Variants in ADGRL3 observed in about 807,000 individuals in gnomAD.
ADGRL3 encodes adhesion G protein-coupled receptor L3.
A neutral mutation model predicts 153.5 loss-of-function variants in ADGRL3; 62 were observed. The ratio of observed to expected loss-of-function variants is 0.40; its 90% CI spans 0.33 to 0.50. The LOEUF is 0.50. Among genes scored for constraint, ADGRL3 ranks in the 20% least tolerant of loss-of-function variants. The pLI is 0.47. For synonymous variants in ADGRL3, 710 were observed against 672.5 expected, an observed-to-expected ratio of 1.06 and a Z score of -0.86; for missense variants, 1,641 against 1,859.4, an observed-to-expected ratio of 0.88 and a Z score of 2.16.
chr4:62,033,483 A>C (rs1723304334), intron 23 of ADGRL3, among the ~76,000 whole-genome samples: 2 of 151,712 alleles, frequency 1.3e-5, no homozygotes, highest in African/African-American at 2.4e-5. Context: ...CACTGAATTA[A>C]AGATAGGAGA....
intron 2 of ADGRL3, among the ~76,000 whole-genome samples, chr4:61,448,812 G>A (rs71609702): frequency 0.62 from 59,897 of 96,066 alleles, 20,251 homozygotes; most frequent in East Asian, 0.9. Context: ...GGAAGGGAGG[G>A]AAGGAAGGAA....
chr4:61,273,755 G>C (rs1416414560), intron 1 of ADGRL3, among the ~76,000 whole-genome samples: 1 of 152,044 alleles, frequency 6.6e-6, no homozygotes, highest in Admixed American at 6.6e-5. Flanking sequence ...TGCTTTCACT[G>C]TTAACTACTA....
intron 1 of ADGRL3, among the ~76,000 whole-genome samples, chr4:61,319,662 A>G (rs2095313032): frequency 6.6e-6 from 1 of 152,192 alleles, no homozygotes; most frequent in African/African-American, 2.4e-5. Flanking sequence ...ATTTGATTGT[A>G]CGTCAAATGA....
rs754647410 is a variant in ADGRL3 at position 61,587,460 on chromosome 4, C to A, written c.473+20C>A. ...TCAAAGGTATGATACTTCTAATATT[C>A]TTTTCTTTGTGCACAATATAAACCT... On this transcript the variant is annotated intron_variant, in intron 5 of 26. Transcript: ENST00000683033. The A allele has an allele frequency of 5.8e-6, 9 of 1,545,722 alleles. No individual in the cohort carries two copies. The highest frequency in any genetic ancestry group is 5.1e-5 in the Admixed American group (3 of 58,810).
intron 17 of ADGRL3, among the ~76,000 whole-genome samples, chr4:61,973,541 G>T (rs1306681641): frequency 6.6e-6 from 1 of 152,064 alleles, no homozygotes; most frequent in East Asian, 1.9e-4. Context: ...ATTATTGTTT[G>T]TATAAAAATT....
At chr4:61,971,510 G>A (rs2099027564) in intron 17 of ADGRL3, among the ~76,000 whole-genome samples, 1 of 152,050 alleles carries the variant, frequency 6.6e-6, no homozygotes, top group Non-Finnish European at 1.5e-5. Context: ...TGGCTGCATA[G>A]TATTCCATGG....
intron 9 of ADGRL3, among the ~76,000 whole-genome samples, chr4:61,888,935 T>C (rs1038681875): frequency 6.6e-6 from 1 of 152,210 alleles, no homozygotes; most frequent in Non-Finnish European, 1.5e-5. Context: ...ATGGACAATG[T>C]AAAATGCATT....
At chr4:61,923,047 T>A (rs549268110) in intron 13 of ADGRL3, among the ~76,000 whole-genome samples, 65 of 152,182 alleles carry the variant, frequency 4.3e-4, no homozygotes, top group African/African-American at 1.5e-3. Context: ...CATTCCAAGA[T>A]CAAAGGTCAC....
chr4:61,873,258 A>C (rs1356792164), intron 9 of ADGRL3, among the ~76,000 whole-genome samples: 1 of 152,200 alleles, frequency 6.6e-6, no homozygotes, highest in Admixed American at 6.5e-5. Flanking sequence ...ATAATGTAGT[A>C]AACAAGAGGC....
At chr4:61,462,231 A>G (rs2097828915) in intron 2 of ADGRL3, among the ~76,000 whole-genome samples, 1 of 152,174 alleles carries the variant, frequency 6.6e-6, no homozygotes, top group African/African-American at 2.4e-5. Context: ...GGGAGCCAGA[A>G]AGCTTCTGGA....
At chr4:61,821,846 G>T (rs2097758872) in intron 9 of ADGRL3, among the ~76,000 whole-genome samples, 1 of 152,124 alleles carries the variant, frequency 6.6e-6, no homozygotes, top group Non-Finnish European at 1.5e-5. Context: ...ATTTTTTAAA[G>T]TTCAAAATAA....
intron 5 of ADGRL3, among the ~76,000 whole-genome samples, chr4:61,630,977 A>T (rs2093129164): frequency 1.3e-5 from 2 of 152,220 alleles, no homozygotes; most frequent in Admixed American, 1.3e-4. Context: ...ACGTGATTAA[A>T]TGAATAAAGT....
intron 1 of ADGRL3, among the ~76,000 whole-genome samples, chr4:61,258,421 T>C (rs1190122446): frequency 2.0e-5 from 3 of 152,194 alleles, no homozygotes; most frequent in Non-Finnish European, 4.4e-5. Context: ...CCAGGAGTCC[T>C]GGATTCTGGT....
intron 5 of ADGRL3, among the ~76,000 whole-genome samples, chr4:61,636,336 A>G (rs1442797885): frequency 6.6e-6 from 1 of 152,212 alleles, no homozygotes; most frequent in Non-Finnish European, 1.5e-5. Context: ...TGCAATTATC[A>G]GTAAAGGATT....
At chr4:61,827,208 A>G (rs2097816572) in intron 9 of ADGRL3, among the ~76,000 whole-genome samples, 1 of 152,212 alleles carries the variant, frequency 6.6e-6, no homozygotes, top group South Asian at 2.1e-4. Flanking sequence ...CGGATAACCA[A>G]TGAAAAGACC....
chr4:61,475,569 A>C (rs2098036295), intron 2 of ADGRL3, among the ~76,000 whole-genome samples: 2 of 152,170 alleles, frequency 1.3e-5, no homozygotes, highest in African/African-American at 4.8e-5. Flanking sequence ...TGATGTAATG[A>C]TGAGGTATGA....
chr4:61,732,612 T>G (rs2096460215), intron 7 of ADGRL3, 142 bp from the exon 8 acceptor site: 1 of 445,952 alleles, frequency 2.2e-6, no homozygotes, highest in South Asian at 7.5e-5. Context: ...AAGAATACTT[T>G]GTGTTCTTAA....
At chr4:61,414,906 A>C (rs566807054) in intron 2 of ADGRL3, among the ~76,000 whole-genome samples, 1 of 152,008 alleles carries the variant, frequency 6.6e-6, no homozygotes, top group Admixed American at 6.5e-5. Context: ...AAATCTCTAA[A>C]TTTTCATCAA....
intron 9 of ADGRL3, among the ~76,000 whole-genome samples, chr4:61,865,285 T>C (rs2098389205): frequency 6.6e-6 from 1 of 152,152 alleles, no homozygotes; most frequent in South Asian, 2.1e-4. Flanking sequence ...TCTCTAAATC[T>C]AAGTAGTTTT....
Sources: allele counts gnomAD v4.1 joint callset (sites outside exome capture counted in the v4.1 genomes callset), GRCh38; gene constraint gnomAD v4.1.1; transcripts MANE v1.5; gene names NCBI Gene and HGNC (gene_info 2026-07-23, HGNC 2026-07-21).